Variants in LSAMP observed in about 807,000 individuals in gnomAD.
LSAMP encodes limbic system-associated membrane protein.
In LSAMP, 7 loss-of-function variants were observed where a neutral mutation model predicts 38.6. The observed-to-expected ratio is 0.18, with a 90% CI of 0.10 to 0.34. LSAMP has a LOEUF of 0.34. LSAMP is among the 10% of genes least tolerant of loss of function. The pLI is 1.00. For missense variants in LSAMP, 313 were observed against 420.0 expected (o/e 0.75, Z 2.23); for synonymous variants, 154 against 166.8 (o/e 0.92, Z 0.59).
intron 1 of LSAMP, among the ~76,000 whole-genome samples, chr3:116,117,986 A>G (rs1708791045): frequency 6.6e-6 from 1 of 152,058 alleles, no homozygotes; most frequent in Non-Finnish European, 1.5e-5. Context: ...ATTTCTCAAG[A>G]AAGAGTCTTA....
At chr3:116,074,740 T>G (rs901787493) in intron 2 of LSAMP, among the ~76,000 whole-genome samples, 2 of 152,230 alleles carry the variant, frequency 1.3e-5, no homozygotes, top group Non-Finnish European at 2.9e-5. Context: ...TTTCCTTGAT[T>G]ATTAGTGAGG....
intron 2 of LSAMP, among the ~76,000 whole-genome samples, chr3:116,056,214 T>C (rs927330553): frequency 5.9e-5 from 9 of 152,170 alleles, no homozygotes; most frequent in African/African-American, 1.9e-4. Context: ...AATTACCATG[T>C]CATAACAGTT....
At chr3:115,818,284 G>C (rs987122800) in intron 6 of LSAMP, among the ~76,000 whole-genome samples, 25 of 152,092 alleles carry the variant, frequency 1.6e-4, no homozygotes, top group Admixed American at 2.0e-4. Context: ...ATTATGGTAA[G>C]AATTTTTAAG....
chr3:116,084,708 A>G (rs1196668398), intron 2 of LSAMP, among the ~76,000 whole-genome samples: 3 of 152,170 alleles, frequency 2.0e-5, no homozygotes, highest in African/African-American at 4.8e-5. Context: ...TAGTGACATC[A>G]AAGTCCATAA....
chr3:116,054,277 C>T (rs1212547162), intron 2 of LSAMP, among the ~76,000 whole-genome samples: 1 of 152,190 alleles, frequency 6.6e-6, no homozygotes, highest in Non-Finnish European at 1.5e-5. Context: ...TGTGATTACA[C>T]TGGGCCAATT....
chr3:115,816,449 T>C (rs1381231579), intron 6 of LSAMP, among the ~76,000 whole-genome samples: 1 of 152,194 alleles, frequency 6.6e-6, no homozygotes, highest in African/African-American at 2.4e-5. Flanking sequence ...TCAGGAACTT[T>C]TTGTAAATGA....
At chr3:115,838,951 G>A (rs907611407) in intron 6 of LSAMP, among the ~76,000 whole-genome samples, 1 of 152,106 alleles carries the variant, frequency 6.6e-6, no homozygotes, top group Admixed American at 6.5e-5. Flanking sequence ...TGCTGCTGCC[G>A]CTGGCTGGCA....
chr3:116,069,330 A>T (rs1707541702), intron 2 of LSAMP, among the ~76,000 whole-genome samples: 1 of 152,230 alleles, frequency 6.6e-6, no homozygotes, highest in South Asian at 2.1e-4. Context: ...GACTTTGATT[A>T]TCAAGGATAT....
intron 1 of LSAMP, among the ~76,000 whole-genome samples, chr3:116,423,645 G>C (rs190543655): frequency 2.1e-4 from 32 of 152,246 alleles, no homozygotes; most frequent in Middle Eastern, 3.4e-3. Flanking sequence ...AATACTCCAC[G>C]GTCCCTGGCT....
chr3:116,313,406 G>C (rs1367697963), intron 1 of LSAMP, among the ~76,000 whole-genome samples: 1 of 152,190 alleles, frequency 6.6e-6, no homozygotes, highest in Non-Finnish European at 1.5e-5. Flanking sequence ...ACCCCGTATG[G>C]ATGTGATGGC....
intron 4 of LSAMP, among the ~76,000 whole-genome samples, chr3:115,851,373 C>T (rs1033482791): frequency 3.2e-4 from 49 of 152,262 alleles, no homozygotes; most frequent in African/African-American, 1.1e-3. Flanking sequence ...TCAAATGGAC[C>T]TGAGTCTGAA....
chr3:116,320,554 G>A (rs915028323), intron 1 of LSAMP, among the ~76,000 whole-genome samples: 1 of 152,148 alleles, frequency 6.6e-6, no homozygotes, highest in African/African-American at 2.4e-5. Context: ...GTACCATATA[G>A]CTGATTGTGT....
chr3:116,123,175 T>G (rs559183872), intron 1 of LSAMP, among the ~76,000 whole-genome samples: 17 of 152,334 alleles, frequency 1.1e-4, no homozygotes, highest in Non-Finnish European at 1.8e-4. Flanking sequence ...TCTACCCACA[T>G]GTAAACAGAT....
intron 1 of LSAMP, among the ~76,000 whole-genome samples, chr3:116,250,912 A>G (rs1576460496): frequency 2.0e-5 from 3 of 152,074 alleles, no homozygotes; most frequent in Admixed American, 6.5e-5. Context: ...AAGCTATAAA[A>G]GAAAACGGAA....
At chr3:116,228,157 T>C (rs777065236) in intron 1 of LSAMP, among the ~76,000 whole-genome samples, 4 of 152,142 alleles carry the variant, frequency 2.6e-5, no homozygotes, top group Non-Finnish European at 4.4e-5. Flanking sequence ...ATTTTTCTAA[T>C]ATTCATCAAA....
intron 2 of LSAMP, among the ~76,000 whole-genome samples, chr3:116,065,854 C>T (rs895761623): frequency 1.3e-5 from 2 of 152,190 alleles, no homozygotes; most frequent in Non-Finnish European, 1.5e-5. Context: ...CAAATCATGA[C>T]ACTGGCACAT....
intron 1 of LSAMP, among the ~76,000 whole-genome samples, chr3:116,419,322 C>G (rs1316412398): frequency 6.6e-6 from 1 of 152,154 alleles, no homozygotes; most frequent in Non-Finnish European, 1.5e-5. Flanking sequence ...TTAAAAGTGA[C>G]ATCTTTTTTT....
At chr3:116,101,133 T>C (rs141778688) in intron 1 of LSAMP, among the ~76,000 whole-genome samples, 1 of 152,336 alleles carries the variant, frequency 6.6e-6, no homozygotes, top group Non-Finnish European at 1.5e-5. Context: ...AATGGATGAA[T>C]GAATACATGG....
intron 2 of LSAMP, among the ~76,000 whole-genome samples, chr3:116,071,144 C>T (rs1233265999): frequency 6.7e-6 from 1 of 149,138 alleles, no homozygotes; most frequent in Non-Finnish European, 1.5e-5. Context: ...GGGGCCTAAT[C>T]ACTCTAGCAT....
Sources: allele counts gnomAD v4.1 joint callset (sites outside exome capture counted in the v4.1 genomes callset), GRCh38; gene constraint gnomAD v4.1.1; transcripts MANE v1.5; gene names NCBI Gene and HGNC (gene_info 2026-07-23, HGNC 2026-07-21).